Variants in KCNG1 observed in about 807,000 individuals in gnomAD.
The protein encoded by KCNG1 is potassium voltage-gated channel modifier subfamily G member 1.
Under a neutral mutation model 32.4 loss-of-function variants are expected in KCNG1, and 17 were observed. The ratio of observed to expected loss-of-function variants is 0.52; its 90% CI spans 0.36 to 0.79. KCNG1 has a LOEUF of 0.79. Among genes scored for constraint, KCNG1 ranks in the 30% least tolerant of loss-of-function variants. The pLI is 0.00. For missense variants in KCNG1, 441 were observed against 735.2 expected (o/e 0.60, Z 4.63); for synonymous variants, 358 against 339.9 (o/e 1.05, Z -0.59).
At chr20:51,009,492 C>G in intron 2 of KCNG1, 73 bp downstream of exon 2, 1 of 1,463,648 alleles carries the variant, frequency 6.8e-7, no homozygotes, top group Non-Finnish European at 9.1e-7. Flanking sequence ...AGGAGGCTTT[C>G]TGGAGGAGGT....
At chr20:51,007,483 G>A (rs1469492825) in intron 2 of KCNG1, among the ~76,000 whole-genome samples, 1 of 152,112 alleles carries the variant, frequency 6.6e-6, no homozygotes, top group Non-Finnish European at 1.5e-5. Flanking sequence ...ACCACACGTG[G>A]CCTAAAATTG....
At chr20:51,007,519 A>G (rs1987878213) in intron 2 of KCNG1, among the ~76,000 whole-genome samples, 1 of 151,024 alleles carries the variant, frequency 6.6e-6, no homozygotes, top group African/African-American at 2.4e-5. Context: ...AAAAGTTTAA[A>G]AAGTTAACCT....
Position 51,010,454 on chromosome 20 carries a change from G to C in KCNG1, c.-26-90C>G, listed in dbSNP as rs1028627238. 5.4e-6 allele frequency: 5 copies of C among 917,874 alleles called. No individual in the cohort carries two copies. The Admixed American group carries it at 9.0e-5, about 17-fold the overall frequency. 56.9% of individuals were successfully genotyped at this position (917,874 alleles called of 1,614,324 possible). On this transcript the variant is annotated intron_variant, in intron 1 of 2. Coordinates refer to ENST00000371571, the MANE Select transcript of KCNG1 (RefSeq NM_002237.4). Reference sequence around the variant, plus strand: ...GATTCCGCAGATATTCACTGTTAGGGATGGAATCTTTGTCCCCCACATCCA... The same window carrying C: ...GATTCCGCAGATATTCACTGTTAGGCATGGAATCTTTGTCCCCCACATCCA...
Position 51,004,243 on chromosome 20 carries a change from C to A in KCNG1, c.1338G>T (p.Leu446=). The change falls in exon 3 of 3, where the codon CTG becomes CTT. Residue 446 remains leucine, a synonymous_variant. Coordinates refer to ENST00000371571, the MANE Select transcript of KCNG1 (RefSeq NM_002237.4). The surrounding 1 kb of genome is among the most constrained non-coding windows in gnomAD (Gnocchi z 4.3). ...GGAAGGCCATGAGCAGGATGCCGCT[C>A]AGGATGCTGCTCAGGGCCACTACCT... The part of the protein sequence containing the change: ...PGQVVALSSI[L]SGILLMAFPV... The A allele has an allele frequency of 1.2e-6, 2 of 1,614,068 alleles. No homozygotes were observed. Among genetic ancestry groups the A allele is most frequent in the Non-Finnish European group, 1.7e-6 (2 of 1,179,978 alleles).
intron 1 of KCNG1, 61 bp downstream of exon 1, chr20:51,022,809 C>T (rs1351210927): frequency 6.6e-6 from 1 of 152,250 alleles, no homozygotes; most frequent in Non-Finnish European, 1.5e-5. Context: ...AGTTTGCAGG[C>T]TCGGGGTCCG....
rs1988252386 is a variant in KCNG1, at chr20:51,015,585, G to A, written c.-26-5221C>T. On this transcript the variant is annotated intron_variant, in intron 1 of 2. Transcript: ENST00000371571. The surrounding 1 kb of genome is among the most constrained non-coding windows in gnomAD (Gnocchi z 4.4). The stretch of plus-strand genomic sequence containing the variant: ...GGGGCCTCACCTGTGCCCTGTGCCC[G>A]GTAGCCACTGAAGCTGCATCACATC... Among the ~76,000 whole-genome samples the A allele has an allele frequency of 2.0e-5, 3 of 152,158 alleles. No individual in the cohort carries two copies. Among genetic ancestry groups the A allele is most frequent in the Non-Finnish European group, 4.4e-5 (3 of 68,020 alleles).
Position 51,019,915 on chromosome 20 carries a change from T to C in KCNG1, c.-27+2955A>G, listed in dbSNP as rs187059545. ...CTGGCCCGGGTCCTGGCATGTTAGA[T>C]TTCCAAGAGCTGCTGTGCCCTGGTG... On this transcript the variant is annotated intron_variant, in intron 1 of 2. Transcript: ENST00000371571. 3.1e-4 allele frequency among the ~76,000 whole-genome samples: 47 copies of C among 152,284 alleles called. No homozygotes were observed. The East Asian group carries it at 7.7e-3, about 25-fold the overall frequency.
chr20:51,019,513 A>AAAT lies in KCNG1; in HGVS notation c.-27+3354_-27+3356dup, dbSNP rs559458548. Among the ~76,000 whole-genome samples, 435 of 151,872 alleles carry AAAT rather than the reference A, an allele frequency of 2.9e-3. 1 individual carries two copies. The highest frequency in any genetic ancestry group is 8.6e-3 in the African/African-American group (356 of 41,444). On this transcript the variant is annotated intron_variant, in intron 1 of 2. Coordinates refer to ENST00000371571, the MANE Select transcript of KCNG1 (RefSeq NM_002237.4). ...TGATAGAGCAAGACCCTGTCTTCAA[A>AAAT]AATAATAATAATAATAATAATAAAT...
rs1392953285 is a variant in KCNG1, at chr20:51,010,214, C to T, written c.125G>A (p.Arg42Gln). The change falls in exon 2 of 3, where the codon CGG (arginine) becomes CAG (glutamine). Residue 42 changes from arginine (R) to glutamine (Q), a missense_variant. Physicochemically the swap from Arg to Gln is conservative, Grantham distance 43. Transcript: ENST00000371571. ...ATCCTGCGGCCGCAGCCGCTGCGCCCGGCGGTAGAACGCGCCCTTGATGGC... is the reference window on the plus strand; with the variant it reads ...ATCCTGCGGCCGCAGCCGCTGCGCCTGGCGGTAGAACGCGCCCTTGATGGC... ...RQAIKGAFYR[R>Q]AQRLRPQDEP... is the part of the protein sequence containing the mutation. 5 of 1,579,888 alleles carry T rather than the reference C, an allele frequency of 3.2e-6. No homozygotes were observed. The highest frequency in any genetic ancestry group is 1.7e-5 in the Admixed American group (1 of 57,482).
intron 2 of KCNG1, among the ~76,000 whole-genome samples, chr20:51,008,736 T>C (rs945780059): frequency 1.3e-5 from 2 of 152,212 alleles, no homozygotes; most frequent in African/African-American, 4.8e-5. Flanking sequence ...GGAAACCTTG[T>C]GTGGGCCAAT....
chr20:51,004,804 G>T lies in KCNG1; in HGVS notation c.777C>A (p.Gly259=). Residue 259 remains glycine, a splice_region_variant and synonymous_variant, in exon 3 of 3, where the codon GGC becomes GGA. Coordinates refer to ENST00000371571, the MANE Select transcript of KCNG1 (RefSeq NM_002237.4). The surrounding 1 kb of genome is among the most constrained non-coding windows in gnomAD (Gnocchi z 4.3). ...CGTTGTGGCACATCTGGGAACAGTG[G>T]CCCTGGGAGAGAGGGGAAGGGACGC... The part of the protein sequence containing the change: ...LPSLREEEEQ[G]HCSQMCHNVF... The T allele has an allele frequency of 6.4e-7, 1 of 1,555,736 alleles. No individual in the cohort carries two copies. Among genetic ancestry groups the T allele is most frequent in the Non-Finnish European group, 8.7e-7 (1 of 1,146,104 alleles).
chr20:51,008,195 A>T (rs764901491), intron 2 of KCNG1, among the ~76,000 whole-genome samples: 15 of 152,246 alleles, frequency 9.9e-5, no homozygotes, highest in Middle Eastern at 3.4e-3. Context: ...AAGGCCCATG[A>T]TCTCATACAC....
intron 1 of KCNG1, among the ~76,000 whole-genome samples, chr20:51,022,301 G>C (rs1233224872): frequency 6.6e-6 from 1 of 152,202 alleles, no homozygotes; most frequent in Non-Finnish European, 1.5e-5. Context: ...CCCTAAGGCT[G>C]AGACCACCAC....
intron 1 of KCNG1, among the ~76,000 whole-genome samples, chr20:51,014,744 T>C (rs1988216476): frequency 6.6e-6 from 1 of 152,160 alleles, no homozygotes. Context: ...GACTGCAGTG[T>C]TGTTGACAGA....
chr20:51,015,334 G>A lies in KCNG1; in HGVS notation c.-26-4970C>T, dbSNP rs1208147750. Among the ~76,000 whole-genome samples, 1 of 152,198 alleles carries A rather than the reference G, an allele frequency of 6.6e-6. No homozygotes were observed. The highest frequency in any genetic ancestry group is 2.4e-5 in the African/African-American group (1 of 41,432). ...GGTGGCGCTATGGTGAGCTGAGTCA[G>A]AGGAAGCTGTTCCTGGCTGTGGGAT... On this transcript the variant is annotated intron_variant, in intron 1 of 2. Transcript: ENST00000371571. This position sits in a 1 kb window ranked among gnomAD's most constrained non-coding sequence, Gnocchi z 4.4.
rs1480630963 is a variant in KCNG1 at position 51,015,204 on chromosome 20, C to T, written c.-26-4840G>A. ...GAGAACAGGAGGGATTTGGGATGAA[C>T]TTTGGAGGAAGAGCCCTCAGGACTG... On this transcript the variant is annotated intron_variant, in intron 1 of 2. Transcript: ENST00000371571. This position sits in a 1 kb window ranked among gnomAD's most constrained non-coding sequence, Gnocchi z 4.4. 6.6e-6 allele frequency among the ~76,000 whole-genome samples: 1 copy of T among 151,728 alleles called. No individual in the cohort carries two copies. The highest frequency in any genetic ancestry group is 1.5e-5 in the Non-Finnish European group (1 of 67,986).
Position 51,008,643 on chromosome 20 carries a change from A to ATTT in KCNG1, c.774+919_774+921dup, listed in dbSNP as rs10626097. Among the ~76,000 whole-genome samples, 661 of 151,658 alleles carry ATTT rather than the reference A, an allele frequency of 4.4e-3. 6 individuals carry two copies. The highest frequency in any genetic ancestry group is 0.012 in the African/African-American group (510 of 41,316). ...CCACCACACCTGGCCTGATCTTATG[A>ATTT]TTTTTTTTAAAAGAAGCTGAGATTT... On this transcript the variant is annotated intron_variant, in intron 2 of 2. Transcript: ENST00000371571.
chr20:51,004,479 GC>G lies in KCNG1; in HGVS notation c.1101del (p.Leu368SerfsTer55). 1 of 1,597,844 alleles carries G rather than the reference GC, an allele frequency of 6.3e-7. No homozygotes were observed. ...ARHSLGLQTL[G>X]LTARRCTREF... ...TCGCGGGTGCAGCGGCGGGCCGTGAGCCCCAGCGTCTGCAGCCCCAGGGAGT... is the reference window on the plus strand; with the variant it reads ...TCGCGGGTGCAGCGGCGGGCCGTGAGCCCAGCGTCTGCAGCCCCAGGGAGT... On this transcript the variant is annotated frameshift_variant, in exon 3 of 3. Transcript: ENST00000371571. LOFTEE classifies it high-confidence loss of function. This position sits in a 1 kb window ranked among gnomAD's most constrained non-coding sequence, Gnocchi z 4.3.
intron 1 of KCNG1, chr20:51,012,328 C>A (rs1231040820): frequency 2.6e-5 from 4 of 152,288 alleles, no homozygotes; most frequent in Admixed American, 2.6e-4. Context: ...CCTCCCCTTA[C>A]AACTGGTGCA....
Sources: allele counts gnomAD v4.1 joint callset (sites outside exome capture counted in the v4.1 genomes callset), GRCh38; gene constraint gnomAD v4.1.1; non-coding constraint Gnocchi (gnomAD v3.1); transcripts MANE v1.5; gene names NCBI Gene and HGNC (gene_info 2026-07-23, HGNC 2026-07-21).